The following RRM2 variants were observed in gnomAD, a reference collection of about 807,000 sequenced individuals.
RRM2 encodes ribonucleoside-diphosphate reductase subunit M2.
Under a neutral mutation model 45.9 loss-of-function variants are expected in RRM2, and 6 were observed. The ratio of observed to expected loss-of-function variants is 0.13; its 90% confidence interval spans 0.07 to 0.26. RRM2 has a LOEUF of 0.26. RRM2 is among the 10% of genes least tolerant of loss of function. The pLI, the probability that RRM2 is intolerant of heterozygous loss-of-function variation, is 1.00. For synonymous variants in RRM2, 177 were observed against 173.0 expected (o/e 1.02, Z -0.18); for missense variants, 343 against 489.5 (o/e 0.70, Z 2.82).
chr2:10,188,328 T>C (rs1205118334), intron 3 of RRM2, among the ~76,000 whole-genome samples: 1 of 152,174 alleles, frequency 6.6e-6, no homozygotes, highest in Non-Finnish European at 1.5e-5. Flanking sequence ...TGTCTGGAAG[T>C]CTAAAATGAA....
chr2:10,132,133 C>T (rs1424067646), downstream of RRM2, among the ~76,000 whole-genome samples: 1 of 152,226 alleles, frequency 6.6e-6, no homozygotes. Flanking sequence ...GAATTCATGA[C>T]ACCCATCCCC....
downstream of RRM2, among the ~76,000 whole-genome samples, chr2:10,134,193 G>T (rs1052777834): frequency 9.4e-5 from 12 of 127,950 alleles, 1 homozygote; most frequent in Admixed American, 2.3e-4. Context: ...AAAAAAAAAA[G>T]TTAAATAGAT....
chr2:10,164,893 A>C (rs957522078), intron 3 of RRM2, among the ~76,000 whole-genome samples: 4 of 152,168 alleles, frequency 2.6e-5, no homozygotes, highest in African/African-American at 9.7e-5. Context: ...GGCTGCCATC[A>C]CCGACTGCGA....
At chr2:10,146,373 C>T (rs1035335158) in intron 3 of RRM2, among the ~76,000 whole-genome samples, 3 of 152,202 alleles carry the variant, frequency 2.0e-5, no homozygotes, top group African/African-American at 7.2e-5. Flanking sequence ...GGAGAAGGGA[C>T]TTAGAGACCC....
Position 10,205,965 on chromosome 2 carries a change from T to C in RRM2, n.483-4346T>C, listed in dbSNP as rs1664655460. Among the ~76,000 whole-genome samples, 1 of 152,060 alleles carries C rather than the reference T, an allele frequency of 6.6e-6. No homozygotes were observed. Among genetic ancestry groups the C allele is most frequent in the Non-Finnish European group, 1.5e-5 (1 of 68,002 alleles). On this transcript the variant is annotated intron_variant and non_coding_transcript_variant, in intron 3 of 3. Transcript: ENST00000381786. The surrounding 1 kb of genome is among the most constrained non-coding windows in gnomAD (Gnocchi z 4.8). ...GCCTTGGCTTCCCAAAGTTCTGGGA[T>C]TACAGGCATGAGCCACTGCGCCTGG...
At position 10,169,879 on chromosome 2, in the gene RRM2, G is replaced by A. The variant is rs1315277903; in HGVS notation, n.482+27504G>A. ...CGCTGGAACTTGGGGAGAAGAGGGA[G>A]ATGTGAGTCAGGTTTTCCTAGTTCC... On this transcript the variant is annotated intron_variant and non_coding_transcript_variant, in intron 3 of 3. Transcript: ENST00000381786. The surrounding 1 kb of genome is among the most constrained non-coding windows in gnomAD (Gnocchi z 5.1). Among the ~76,000 whole-genome samples the A allele has an allele frequency of 6.6e-6, 1 of 152,202 alleles. No homozygotes were observed. Among genetic ancestry groups the A allele is most frequent in the Non-Finnish European group, 1.5e-5 (1 of 68,036 alleles).
Position 10,169,060 on chromosome 2 carries a change from C to T in RRM2, n.482+26685C>T, listed in dbSNP as rs889077379. 2.0e-5 allele frequency among the ~76,000 whole-genome samples: 3 copies of T among 152,130 alleles called. No homozygotes were observed. The highest frequency in any genetic ancestry group is 7.2e-5 in the African/African-American group (3 of 41,434). ...CAATCACAGCTCACTGCAGCCTCCA[C>T]TTCCCAGGCTCAAGCCATCCTTCCA... On this transcript the variant is annotated intron_variant and non_coding_transcript_variant, in intron 3 of 3. Coordinates refer to the RRM2 transcript ENST00000381786. This position sits in a 1 kb window ranked among gnomAD's most constrained non-coding sequence, Gnocchi z 5.1.
chr2:10,170,849 G>A (rs989975508), intron 3 of RRM2, among the ~76,000 whole-genome samples: 1 of 152,168 alleles, frequency 6.6e-6, no homozygotes, highest in Admixed American at 6.5e-5. Context: ...CGGAATGAAC[G>A]CCTGATTAGG....
chr2:10,190,378 GTGGTGA>G (rs1247350949), intron 3 of RRM2, among the ~76,000 whole-genome samples: 7 of 145,466 alleles, frequency 4.8e-5, no homozygotes, highest in East Asian at 2.2e-4. Context: ...GTGTGATGAT[GTGGTGA>G]TGGTGATGGT....
At position 10,195,053 on chromosome 2, in the gene RRM2, G is replaced by A. The variant is rs562023608; in HGVS notation, n.483-15258G>A. The stretch of plus-strand genomic sequence containing the variant: ...AAAACCCTCACGAGGCCATGTGGTC[G>A]TGGCTACGGGTTTAATCTAAAATTC... On this transcript the variant is annotated intron_variant and non_coding_transcript_variant, in intron 3 of 3. Transcript: ENST00000381786. The surrounding 1 kb of genome is among the most constrained non-coding windows in gnomAD (Gnocchi z 4.9). Among the ~76,000 whole-genome samples the A allele has an allele frequency of 7.9e-5, 12 of 151,836 alleles. No individual in the cohort carries two copies. The highest frequency in any genetic ancestry group is 4.2e-4 in the South Asian group (2 of 4,786).
chr2:10,141,064 T>C (rs948996322), upstream of RRM2, among the ~76,000 whole-genome samples: 1 of 152,148 alleles, frequency 6.6e-6, no homozygotes, highest in Non-Finnish European at 1.5e-5. Context: ...GGGGCCCACG[T>C]TGTGAGTTGT....
intron 5 of RRM2, among the ~76,000 whole-genome samples, chr2:10,125,497 A>G (rs1362996483): frequency 6.6e-6 from 1 of 152,166 alleles, no homozygotes; most frequent in Non-Finnish European, 1.5e-5. Context: ...TGAGGTCAGG[A>G]GATCGAGACC....
intron 3 of RRM2, among the ~76,000 whole-genome samples, chr2:10,188,008 C>T (rs568575182): frequency 4.6e-5 from 7 of 152,168 alleles, no homozygotes; most frequent in Non-Finnish European, 7.4e-5. Flanking sequence ...TGGGGTCTAG[C>T]GATCTGTGCG....
chr2:10,170,802 C>A (rs1022614300), intron 3 of RRM2, among the ~76,000 whole-genome samples: 2 of 152,140 alleles, frequency 1.3e-5, no homozygotes, highest in African/African-American at 4.8e-5. Context: ...CGCACCCCCA[C>A]GCCCCCGCCC....
In RRM2 at chr2:10,128,849, G is replaced by A; in HGVS notation, c.800G>A (p.Gly267Asp). The change falls in exon 8 of 10, where the codon GGT (glycine) becomes GAT (aspartate). Residue 267 changes from glycine (G) to aspartate (D), a missense_variant and splice_region_variant. Gly to Asp is a moderately conservative substitution (Grantham distance 94, BLOSUM62 -1). Around this residue, in one of 2 missense-constraint regions of RRM2, gnomAD observed 212 missense variants for 368.1 expected, o/e 0.58. Transcript: ENST00000304567. ...GTGATCTTGAACTTTTTTTTCTAGG[G>A]TTTACACTGTGATTTTGCTTGCCTG... ...FSNELISRDE[G>D]LHCDFACLMF... 1 of 1,612,706 alleles carries A rather than the reference G, an allele frequency of 6.2e-7. No homozygotes were observed. Among genetic ancestry groups the A allele is most frequent in the Non-Finnish European group, 8.5e-7 (1 of 1,178,882 alleles).
rs940362822 is a variant in RRM2 at position 10,172,645 on chromosome 2, G to A, written n.482+30270G>A. Among the ~76,000 whole-genome samples, 26 of 152,250 alleles carry A rather than the reference G, an allele frequency of 1.7e-4. No homozygotes were observed. The highest frequency in any genetic ancestry group is 5.8e-4 in the African/African-American group (24 of 41,544). On this transcript the variant is annotated intron_variant and non_coding_transcript_variant, in intron 3 of 3. Transcript: ENST00000381786. The surrounding 1 kb of genome is among the most constrained non-coding windows in gnomAD (Gnocchi z 4.9). ...GAGAACATTCGCCTCCTGCTGGGTC[G>A]GCCCCTTCGCCTCTTCCTTCTGTCT... is the stretch of plus-strand genomic sequence containing the variant.
At chr2:10,133,806 G>A (rs1293498966), downstream of RRM2, among the ~76,000 whole-genome samples, 1 of 151,624 alleles carries the variant, frequency 6.6e-6, no homozygotes, top group Non-Finnish European at 1.5e-5. Context: ...GACTGGAGTG[G>A]CTCCAGCAAG....
intron 3 of RRM2, among the ~76,000 whole-genome samples, chr2:10,180,291 A>G (rs1313598046): frequency 6.6e-6 from 1 of 152,202 alleles, no homozygotes; most frequent in Non-Finnish European, 1.5e-5. Flanking sequence ...GCAGAAAATA[A>G]CTTCGCTGTG....
chr2:10,187,573 G>A lies in RRM2; in HGVS notation n.483-22738G>A, dbSNP rs867415262. Among the ~76,000 whole-genome samples the A allele has an allele frequency of 7.9e-5, 12 of 152,284 alleles. No homozygotes were observed. In the East Asian group the frequency reaches 1.7e-3, roughly 22 times the overall value. The stretch of plus-strand genomic sequence containing the variant: ...GCTCTGTGTGTCCAGGTCTGTGTGG[G>A]GGTCACTGAGAGAAGGGAAAGGCAG... On this transcript the variant is annotated intron_variant and non_coding_transcript_variant, in intron 3 of 3. Coordinates refer to the RRM2 transcript ENST00000381786.
Sources: allele counts gnomAD v4.1 joint callset (sites outside exome capture counted in the v4.1 genomes callset), GRCh38; gene constraint gnomAD v4.1.1; regional missense constraint gnomAD v4.1.1; non-coding constraint Gnocchi (gnomAD v3.1); transcripts MANE v1.5; gene names NCBI Gene and HGNC (gene_info 2026-07-23, HGNC 2026-07-21).